Variants in ARHGAP42 observed in about 807,000 individuals in gnomAD.
The protein encoded by ARHGAP42 is Rho GTPase activating protein 42.
A neutral mutation model predicts 125.0 loss-of-function variants in ARHGAP42; 63 were observed. The ratio of observed to expected loss-of-function variants is 0.50; its 90% CI spans 0.41 to 0.62. The LOEUF is 0.62. Among genes scored for constraint, ARHGAP42 ranks in the 20% least tolerant of loss-of-function variants. ARHGAP42 has a pLI of 0.00. For missense variants in ARHGAP42, 766 were observed against 1,024.2 expected, an observed-to-expected ratio of 0.75 and a Z score of 3.44; for synonymous variants, 339 against 351.0, an observed-to-expected ratio of 0.97 and a Z score of 0.38.
intron 1 of ARHGAP42, among the ~76,000 whole-genome samples, chr11:100,717,636 C>CAAA (rs60024751): frequency 0.054 from 3,725 of 68,954 alleles, 156 homozygotes; most frequent in East Asian, 0.17. Context: ...GACTCCGTCT[C>CAAA]AAAAAAAAAA....
At chr11:100,903,008 G>A (rs1319918974) in intron 4 of ARHGAP42, among the ~76,000 whole-genome samples, 2 of 152,034 alleles carry the variant, frequency 1.3e-5, no homozygotes, top group African/African-American at 4.8e-5. Context: ...AGGTAGAGCA[G>A]CTGGCTGGCT....
At chr11:100,865,023 G>A (rs529714497) in intron 4 of ARHGAP42, among the ~76,000 whole-genome samples, 11 of 152,102 alleles carry the variant, frequency 7.2e-5, no homozygotes, top group South Asian at 4.2e-4. Context: ...TTAATAAGAC[G>A]TTAATAAAAA....
In ARHGAP42 at chr11:100,770,437, T is replaced by G. The variant is rs549147609; in HGVS notation, c.249T>G (p.Ile83Met). Residue 83 changes from isoleucine (I) to methionine (M), a missense_variant and splice_region_variant, in exon 2 of 24, where the codon ATT becomes ATG. Ile to Met is a conservative substitution (Grantham distance 10). Transcript: ENST00000298815. ...GDAETDDEIS[I>M]AQSLKEFARL... The stretch of plus-strand genomic sequence containing the variant: ...CTGAAACAGATGATGAAATTAGTAT[T>G]GGTAAGTACTACTGTTTTAGAAAGT... 3 of 1,540,220 alleles carry G rather than the reference T, an allele frequency of 1.9e-6. No homozygotes were observed. The African/African-American group carries it at 4.1e-5, about 21-fold the overall frequency.
intron 4 of ARHGAP42, among the ~76,000 whole-genome samples, chr11:100,903,709 A>AATATATATATATATATATAT (rs139506492): frequency 1.7e-4 from 11 of 63,506 alleles, no homozygotes; most frequent in South Asian, 1.1e-3. Context: ...TGTCCCTCAA[A>AATATATATATATATATATAT]ATATATATAT....
intron 4 of ARHGAP42, among the ~76,000 whole-genome samples, chr11:100,873,305 T>A (rs1432942990): frequency 6.6e-6 from 1 of 152,218 alleles, no homozygotes; most frequent in African/African-American, 2.4e-5. Flanking sequence ...ACATTTTACA[T>A]CACAATTTAG....
At chr11:100,774,688 AT>A (rs1863073123) in intron 2 of ARHGAP42, among the ~76,000 whole-genome samples, 1 of 151,828 alleles carries the variant, frequency 6.6e-6, no homozygotes, top group South Asian at 2.1e-4. Flanking sequence ...GTGGAAGAGG[AT>A]AAAAAAAGGT....
chr11:100,974,760 G>A lies in ARHGAP42; in HGVS notation c.1855+157G>A, dbSNP rs184390309. ...ATTTGTATATTCTCTGTCAATAGTT[G>A]TACAGTTGCTTGGGTAAGCAAATTC... is the stretch of plus-strand genomic sequence containing the variant. On this transcript the variant is annotated intron_variant, in intron 19 of 23. Transcript: ENST00000298815. Among the ~76,000 whole-genome samples the A allele has an allele frequency of 6.6e-5, 10 of 152,140 alleles. No homozygotes were observed. In the East Asian group the frequency reaches 1.9e-3, roughly 29 times the overall value.
chr11:100,797,935 T>C (rs1286225140), intron 3 of ARHGAP42, among the ~76,000 whole-genome samples: 1 of 152,124 alleles, frequency 6.6e-6, no homozygotes, highest in Non-Finnish European at 1.5e-5. Flanking sequence ...CAACTGAAGT[T>C]TGGAAGAAGT....
At chr11:100,807,092 C>A (rs1864014644) in intron 3 of ARHGAP42, among the ~76,000 whole-genome samples, 1 of 152,152 alleles carries the variant, frequency 6.6e-6, no homozygotes, top group South Asian at 2.1e-4. Flanking sequence ...AGGTGATTGA[C>A]CTGCCTTGGC....
At chr11:100,862,247 G>A (rs1046592752) in intron 4 of ARHGAP42, among the ~76,000 whole-genome samples, 2 of 152,174 alleles carry the variant, frequency 1.3e-5, no homozygotes, top group Non-Finnish European at 2.9e-5. Context: ...GAGTCAACAT[G>A]TTCCCCAGAT....
At chr11:100,901,894 C>G (rs951549981) in intron 4 of ARHGAP42, among the ~76,000 whole-genome samples, 1 of 152,238 alleles carries the variant, frequency 6.6e-6, no homozygotes, top group South Asian at 2.1e-4. Context: ...CCCTGCCCTG[C>G]TTTGGCTCGC....
At chr11:100,968,444 T>G (rs1405885658) in intron 17 of ARHGAP42, among the ~76,000 whole-genome samples, 1 of 152,186 alleles carries the variant, frequency 6.6e-6, no homozygotes, top group Non-Finnish European at 1.5e-5. Flanking sequence ...TATCAGAATG[T>G]ACTTAACTTA....
chr11:100,823,912 G>C (rs1047888127), intron 3 of ARHGAP42, among the ~76,000 whole-genome samples: 1 of 152,026 alleles, frequency 6.6e-6, no homozygotes, highest in African/African-American at 2.4e-5. Flanking sequence ...ATATTTAAAG[G>C]TTATGTCATT....
At chr11:100,758,141 A>T (rs114003121) in intron 1 of ARHGAP42, among the ~76,000 whole-genome samples, 1 of 152,230 alleles carries the variant, frequency 6.6e-6, no homozygotes, top group African/African-American at 2.4e-5. Context: ...CAACTTAAAC[A>T]TAGCCACTTA....
chr11:100,762,111 C>T (rs188169279), intron 1 of ARHGAP42, among the ~76,000 whole-genome samples: 12 of 152,268 alleles, frequency 7.9e-5, no homozygotes, highest in Admixed American at 2.0e-4. Context: ...CATAAGACAT[C>T]GAAAACAGAT....
At chr11:100,804,792 G>A (rs910835639) in intron 3 of ARHGAP42, among the ~76,000 whole-genome samples, 48 of 152,226 alleles carry the variant, frequency 3.2e-4, no homozygotes, top group African/African-American at 9.4e-4. Context: ...GATTACAGGC[G>A]TGAGCCACCG....
At chr11:100,708,402 A>G (rs1007366033) in intron 1 of ARHGAP42, among the ~76,000 whole-genome samples, 1 of 152,186 alleles carries the variant, frequency 6.6e-6, no homozygotes, top group Non-Finnish European at 1.5e-5. Context: ...AGTCCCAGCT[A>G]CTTGGGAGGC....
chr11:100,869,882 A>G (rs1486065536), intron 4 of ARHGAP42, among the ~76,000 whole-genome samples: 1 of 152,182 alleles, frequency 6.6e-6, no homozygotes, highest in Non-Finnish European at 1.5e-5. Flanking sequence ...CCTAAAGACC[A>G]ATACTTAAGA....
intron 3 of ARHGAP42, among the ~76,000 whole-genome samples, chr11:100,845,399 T>C (rs1865041215): frequency 1.3e-5 from 2 of 152,032 alleles, no homozygotes; most frequent in African/African-American, 4.8e-5. Flanking sequence ...CTGGATACAG[T>C]GTATACTGCT....
Sources: gnomAD v4.1 joint callset for allele counts (sites outside exome capture counted in the v4.1 genomes callset) on GRCh38, gnomAD v4.1.1 for gene constraint, MANE v1.5 for transcripts, NCBI Gene and HGNC (gene_info 2026-07-23, HGNC 2026-07-21) for gene names.